SIK2: variants seen among roughly 807,000 people sequenced by gnomAD.
SIK2 encodes the protein salt inducible kinase 2.
In SIK2, 29 loss-of-function variants were observed where a neutral mutation model predicts 103.2. That is an observed-to-expected ratio of 0.28 (90% CI 0.21 to 0.38). SIK2 has a LOEUF of 0.38. SIK2 is among the 10% of genes least tolerant of loss of function. The pLI, the probability that SIK2 is intolerant of heterozygous loss-of-function variation, is 1.00. For synonymous variants in SIK2, 412 were observed against 446.1 expected (o/e 0.92, Z 0.96); for missense variants, 879 against 1,171.0 (o/e 0.75, Z 3.64).
intron 3 of SIK2, among the ~76,000 whole-genome samples, chr11:111,645,009 G>A (rs997061955): frequency 6.6e-6 from 1 of 152,260 alleles, no homozygotes; most frequent in South Asian, 2.1e-4. Flanking sequence ...TAGAGCAGGG[G>A]ACAAGTCAGG....
At chr11:111,700,555 G>A (rs907750176) in intron 4 of SIK2, among the ~76,000 whole-genome samples, 9 of 152,186 alleles carry the variant, frequency 5.9e-5, no homozygotes, top group African/African-American at 2.2e-4. Flanking sequence ...TCAGGTAATT[G>A]AAATTCTAAG....
At chr11:111,706,652 C>T (rs1046812426) in intron 8 of SIK2, among the ~76,000 whole-genome samples, 2 of 152,000 alleles carry the variant, frequency 1.3e-5, no homozygotes, top group Non-Finnish European at 2.9e-5. Context: ...TTTTGTTATA[C>T]GTACTTTATA....
intron 2 of SIK2, 131 bp from the exon 3 acceptor site, chr11:111,620,208 C>G (rs1056614427): frequency 1.5e-6 from 1 of 672,392 alleles, no homozygotes; most frequent in South Asian, 1.8e-5. Context: ...GGCTTATGAA[C>G]TTAGCCATCT....
chr11:111,628,541 CA>C (rs913749506), intron 3 of SIK2, among the ~76,000 whole-genome samples: 22 of 151,660 alleles, frequency 1.5e-4, no homozygotes, highest in African/African-American at 5.3e-4. Flanking sequence ...TGGGCTCAAG[CA>C]ATCCTCCTAA....
intron 3 of SIK2, among the ~76,000 whole-genome samples, chr11:111,631,075 A>G (rs1365437768): frequency 6.6e-6 from 1 of 152,192 alleles, no homozygotes. Context: ...GGGAATGATT[A>G]GTTTAGAAGA....
rs989940848 is a variant in SIK2 at position 111,602,806 on chromosome 11, C to T, written c.135+108C>T. The T allele has an allele frequency of 1.4e-5, 19 of 1,373,958 alleles. No homozygotes were observed. The highest frequency in any genetic ancestry group is 1.8e-5 in the Non-Finnish European group (19 of 1,064,460). The allele number at this position is 1,373,958 out of a possible 1,614,324, so 85.1% of individuals were successfully genotyped here. The stretch of plus-strand genomic sequence containing the variant: ...GGGACCGGGGAGACCCGAGAGGCCG[C>T]CTCACTGGCGGAGGCGAGCGGGCCT... On this transcript the variant is annotated intron_variant, in intron 1 of 14. Coordinates refer to ENST00000304987, the MANE Select transcript of SIK2 (RefSeq NM_015191.3). The surrounding 1 kb of genome is among the most constrained non-coding windows in gnomAD (Gnocchi z 4.5).
chr11:111,616,152 T>C, intron 1 of SIK2, 91 bp from the exon 2 acceptor site: 1 of 783,250 alleles, frequency 1.3e-6, no homozygotes, highest in East Asian at 2.6e-5. Flanking sequence ...AACCTACAGG[T>C]GAAGTCTCAT....
intron 3 of SIK2, among the ~76,000 whole-genome samples, chr11:111,657,073 T>C (rs1386572688): frequency 1.3e-5 from 2 of 152,238 alleles, no homozygotes; most frequent in African/African-American, 2.4e-5. Context: ...TTTTTTACTT[T>C]CAATTATTTT....
intron 3 of SIK2, among the ~76,000 whole-genome samples, chr11:111,684,043 C>A (rs1444873882): frequency 1.3e-5 from 2 of 152,218 alleles, no homozygotes; most frequent in Non-Finnish European, 2.9e-5. Context: ...AGTGCCACTT[C>A]TCTAAATAGT....
At chr11:111,682,515 GT>G (rs1942790037) in intron 3 of SIK2, among the ~76,000 whole-genome samples, 2 of 152,152 alleles carry the variant, frequency 1.3e-5, no homozygotes, top group Admixed American at 1.3e-4. Flanking sequence ...ATTATGTTAG[GT>G]TTGATAATGA....
At chr11:111,717,963 G>T (rs1943694358) in intron 9 of SIK2, among the ~76,000 whole-genome samples, 3 of 152,168 alleles carry the variant, frequency 2.0e-5, no homozygotes, top group Non-Finnish European at 4.4e-5. Flanking sequence ...GCTGATGCAT[G>T]CAGGGCTTAA....
At chr11:111,627,387 T>G (rs906344157) in intron 3 of SIK2, among the ~76,000 whole-genome samples, 1 of 152,184 alleles carries the variant, frequency 6.6e-6, no homozygotes, top group Non-Finnish European at 1.5e-5. Context: ...TTACAGTATA[T>G]TGTTATAATT....
At chr11:111,637,978 A>G (rs2135853706) in intron 3 of SIK2, among the ~76,000 whole-genome samples, 1 of 152,158 alleles carries the variant, frequency 6.6e-6, no homozygotes, top group East Asian at 1.9e-4. Context: ...GTCAATTCCT[A>G]TTTAAGAGCA....
In SIK2 at chr11:111,701,612, G is replaced by C. The variant is rs752585200; in HGVS notation, c.727+37G>C. ...TTCATCTTATTAATGGTGTTTTACAGTGTTAGTGCTCCAAGTGAAATGCCT... is the reference window on the plus strand; with the variant it reads ...TTCATCTTATTAATGGTGTTTTACACTGTTAGTGCTCCAAGTGAAATGCCT... On this transcript the variant is annotated intron_variant, in intron 6 of 14. Coordinates refer to ENST00000304987, the MANE Select transcript of SIK2 (RefSeq NM_015191.3). This position sits in a 1 kb window ranked among gnomAD's most constrained non-coding sequence, Gnocchi z 4.2. 6.4e-5 allele frequency: 102 copies of C among 1,604,118 alleles called. No individual in the cohort carries two copies. Among genetic ancestry groups the C allele is most frequent in the Non-Finnish European group, 8.1e-5 (95 of 1,173,786 alleles).
At chr11:111,642,657 A>G (rs558788812) in intron 3 of SIK2, among the ~76,000 whole-genome samples, 1 of 152,090 alleles carries the variant, frequency 6.6e-6, no homozygotes, top group Admixed American at 6.5e-5. Context: ...TTGATGATTA[A>G]CTCAATCTCC....
At chr11:111,651,825 G>A (rs1942330970) in intron 3 of SIK2, among the ~76,000 whole-genome samples, 1 of 152,056 alleles carries the variant, frequency 6.6e-6, no homozygotes, top group Admixed American at 6.6e-5. Context: ...GTTGCTATTT[G>A]GCTTTGTCAG....
chr11:111,663,181 C>T (rs368338831), intron 3 of SIK2, among the ~76,000 whole-genome samples: 5 of 150,144 alleles, frequency 3.3e-5, no homozygotes, highest in African/African-American at 1.2e-4. Context: ...TGCAGTGAGT[C>T]GTGATCACAC....
intron 1 of SIK2, among the ~76,000 whole-genome samples, chr11:111,614,316 T>C (rs1458730148): frequency 6.6e-6 from 1 of 152,014 alleles, no homozygotes; most frequent in Non-Finnish European, 1.5e-5. Flanking sequence ...ACTCCTGACC[T>C]CAAATGATCA....
chr11:111,612,915 G>GATATATATATATATATATAT lies in SIK2; in HGVS notation c.136-3315_136-3296dup, dbSNP rs67675103. On this transcript the variant is annotated intron_variant, in intron 1 of 14. Coordinates refer to ENST00000304987, the MANE Select transcript of SIK2 (RefSeq NM_015191.3). ...CCTTAGAAACAAGGGATAGCAATGGGATATATATATATATATATATATATA... is the reference window on the plus strand; with the variant it reads ...CCTTAGAAACAAGGGATAGCAATGGGATATATATATATATATATATATATATATATATATATATATATATA... 6.2e-3 allele frequency among the ~76,000 whole-genome samples: 307 copies of GATATATATATATATATATAT among 49,496 alleles called. 4 individuals carry two copies. The highest frequency in any genetic ancestry group is 7.6e-3 in the African/African-American group (119 of 15,686). The allele number at this position is 49,496 out of a possible 152,430, so 32.5% of individuals were successfully genotyped here.
Sources: gnomAD v4.1 joint callset for allele counts (sites outside exome capture counted in the v4.1 genomes callset) on GRCh38, gnomAD v4.1.1 for gene constraint, Gnocchi (gnomAD v3.1) non-coding constraint, MANE v1.5 for transcripts, NCBI Gene and HGNC (gene_info 2026-07-23, HGNC 2026-07-21) for gene names.